Variants in GARNL3 observed in about 807,000 individuals in gnomAD.
GARNL3 encodes GTPase activating Rap/RanGAP domain like 3, also known as GTPase-activating Rap/Ran-GAP domain-like protein 3.
A neutral mutation model predicts 125.0 loss-of-function variants in GARNL3; 63 were observed. The ratio of observed to expected loss-of-function variants is 0.50; its 90% CI spans 0.41 to 0.62. The LOEUF (loss-of-function observed/expected upper bound fraction) is 0.62, where lower values mean the gene tolerates loss of function less well. Among genes scored for constraint, GARNL3 ranks in the 20% least tolerant of loss-of-function variants. The pLI is 0.00. For missense variants in GARNL3, 994 were observed against 1,244.0 expected (o/e 0.80, Z 3.02); for synonymous variants, 439 against 457.5 (o/e 0.96, Z 0.52).
Position 127,385,272 on chromosome 9 carries a change from C to T in GARNL3, c.2388+127C>T, listed in dbSNP as rs1564201099. 3 of 549,680 alleles carry T rather than the reference C, an allele frequency of 5.5e-6. No homozygotes were observed. The highest frequency in any genetic ancestry group is 2.4e-5 in the South Asian group (1 of 41,298). The allele number at this position is 549,680 out of a possible 1,614,324, so 34.1% of individuals were successfully genotyped here. A position where few individuals can be genotyped will look rare whatever the true frequency, so the allele number is the denominator to read the frequency against. ...GAAGACCGGTGTCAGAATGCCAGCACGAGATGGAAAGCCTGAAACCAGACT... is the reference window on the plus strand; with the variant it reads ...GAAGACCGGTGTCAGAATGCCAGCATGAGATGGAAAGCCTGAAACCAGACT... On this transcript the variant is annotated intron_variant, in intron 24 of 27. Coordinates refer to ENST00000373387, the MANE Select transcript of GARNL3 (RefSeq NM_032293.5). The surrounding 1 kb of genome is among the most constrained non-coding windows in gnomAD (Gnocchi z 4.1).
At chr9:127,263,717 A>G, upstream of GARNL3, 3 of 1,185,584 alleles carry the variant, frequency 2.5e-6, no homozygotes, top group Non-Finnish European at 3.1e-6. Flanking sequence ...AACTGCATGC[A>G]TTGATGTGTT....
Position 127,384,964 on chromosome 9 carries a change from G to C in GARNL3, c.2270-63G>C, listed in dbSNP as rs1588977703. The C allele has an allele frequency of 1.1e-6, 1 of 936,544 alleles. No individual in the cohort carries two copies. The highest frequency in any genetic ancestry group is 2.6e-5 in the East Asian group (1 of 38,114). The allele number at this position is 936,544 out of a possible 1,614,324, so 58.0% of individuals were successfully genotyped here. On this transcript the variant is annotated intron_variant, in intron 23 of 27. Transcript: ENST00000373387. This position sits in a 1 kb window ranked among gnomAD's most constrained non-coding sequence, Gnocchi z 4.0. ...GAGAAGTGAGTGTGACTATGACACAGTCACAGCCCCTTCGCGGCCACCAAG... is the reference window on the plus strand; with the variant it reads ...GAGAAGTGAGTGTGACTATGACACACTCACAGCCCCTTCGCGGCCACCAAG...
rs1290250272 is a variant in GARNL3 at position 127,385,541 on chromosome 9, C to T, written c.2388+396C>T. Among the ~76,000 whole-genome samples, 1 of 152,172 alleles carries T rather than the reference C, an allele frequency of 6.6e-6. No homozygotes were observed. The highest frequency in any genetic ancestry group is 1.5e-5 in the Non-Finnish European group (1 of 68,030). ...CTCTATCCTCAGTTTGAATTCTTAG[C>T]CTATGAAACATGGCTAATTGATTAA... On this transcript the variant is annotated intron_variant, in intron 24 of 27. Coordinates refer to ENST00000373387, the MANE Select transcript of GARNL3 (RefSeq NM_032293.5). This position sits in a 1 kb window ranked among gnomAD's most constrained non-coding sequence, Gnocchi z 4.1.
chr9:127,318,285 G>A (rs2065296458), intron 5 of GARNL3, among the ~76,000 whole-genome samples, 158 bp downstream of exon 5: 1 of 152,164 alleles, frequency 6.6e-6, no homozygotes, highest in Non-Finnish European at 1.5e-5. Flanking sequence ...ATCACCTCGT[G>A]TCATCATCAC....
chr9:127,239,620 T>C (rs2063169619), intron 1 of GARNL3, among the ~76,000 whole-genome samples: 1 of 152,202 alleles, frequency 6.6e-6, no homozygotes, highest in African/African-American at 2.4e-5. Context: ...GAGTACTTAC[T>C]CCACTTCTTT....
At chr9:127,289,806 A>C (rs565754755) in intron 1 of GARNL3, among the ~76,000 whole-genome samples, 39 of 152,358 alleles carry the variant, frequency 2.6e-4, no homozygotes, top group Non-Finnish European at 4.6e-4. Flanking sequence ...TCATGACTAC[A>C]CAGCCTCTTG....
intron 14 of GARNL3, among the ~76,000 whole-genome samples, chr9:127,343,231 C>G (rs572991201): frequency 7.9e-5 from 12 of 152,214 alleles, no homozygotes; most frequent in Admixed American, 5.9e-4. Flanking sequence ...CTCCTTGACT[C>G]TTGTCTGGTC....
At chr9:127,376,375 T>C (rs1831912466) in intron 22 of GARNL3, among the ~76,000 whole-genome samples, 1 of 151,918 alleles carries the variant, frequency 6.6e-6, no homozygotes, top group South Asian at 2.1e-4. Context: ...CCTGCCACCT[T>C]GCCCGGCTAA....
At chr9:127,383,625 A>T (rs1832389199) in intron 23 of GARNL3, 80 bp downstream of exon 23, 6 of 859,808 alleles carry the variant, frequency 7.0e-6, no homozygotes, top group Non-Finnish European at 1.1e-5. Flanking sequence ...ATGTAAGCAA[A>T]TCACTGGCTT....
intron 1 of GARNL3, among the ~76,000 whole-genome samples, chr9:127,274,090 A>G (rs79306647): frequency 0.028 from 4,261 of 152,330 alleles, 197 homozygotes; most frequent in African/African-American, 0.098. Context: ...GAGCATAAAT[A>G]TAAAAGTATT....
chr9:127,322,350 C>T (rs957405041), intron 6 of GARNL3, among the ~76,000 whole-genome samples: 1 of 151,742 alleles, frequency 6.6e-6, no homozygotes, highest in Non-Finnish European at 1.5e-5. Flanking sequence ...CCAGTTCCCT[C>T]GGCAGAGCTC....
rs1217773892 is a variant in GARNL3 at position 127,351,107 on chromosome 9, G to A, written c.1543+2072G>A. Among the ~76,000 whole-genome samples the A allele has an allele frequency of 1.2e-4, 18 of 152,160 alleles. 1 individual carries two copies. The highest frequency in any genetic ancestry group is 1.2e-3 in the Admixed American group (18 of 15,286). ...ATTATGAAAAATTTTGTGATTTAAA[G>A]AATGTTCACTCCTTCCCTTTTGCCC... On this transcript the variant is annotated intron_variant, in intron 17 of 27. Transcript: ENST00000373387.
chr9:127,373,907 G>A (rs1476130703), intron 22 of GARNL3, among the ~76,000 whole-genome samples: 3 of 152,156 alleles, frequency 2.0e-5, no homozygotes, highest in Admixed American at 6.5e-5. Flanking sequence ...TTGGGAGACC[G>A]AGGCACAAGA....
chr9:127,331,324 A>G (rs963571296), intron 7 of GARNL3, among the ~76,000 whole-genome samples: 62 of 151,852 alleles, frequency 4.1e-4, no homozygotes, highest in African/African-American at 1.5e-3. Context: ...CCCCATCTCT[A>G]CTAAAAATAC....
At chr9:127,363,265 G>A (rs1233720862) in intron 21 of GARNL3, 1 of 152,290 alleles carries the variant, frequency 6.6e-6, no homozygotes, top group African/African-American at 2.4e-5. Flanking sequence ...GGAGCTCTTG[G>A]CCACTGGTCC....
chr9:127,304,709 G>A (rs2064900105), intron 2 of GARNL3, among the ~76,000 whole-genome samples: 1 of 151,678 alleles, frequency 6.6e-6, no homozygotes, highest in Admixed American at 6.6e-5. Context: ...CTAATTTTTT[G>A]TATTTTTTGT....
At chr9:127,332,063 TAC>T (rs1449946012) in intron 7 of GARNL3, among the ~76,000 whole-genome samples, 2 of 152,084 alleles carry the variant, frequency 1.3e-5, no homozygotes, top group Non-Finnish European at 2.9e-5. Flanking sequence ...CATAAAAGCA[TAC>T]AGTCTCATCT....
chr9:127,344,445 T>C, intron 15 of GARNL3, 106 bp downstream of exon 15: 1 of 754,444 alleles, frequency 1.3e-6, no homozygotes, highest in Non-Finnish European at 2.3e-6. Flanking sequence ...CTGTAGGAGC[T>C]CTGTAATTTC....
intron 27 of GARNL3, among the ~76,000 whole-genome samples, chr9:127,391,930 A>G (rs1418250491): frequency 6.6e-6 from 1 of 152,208 alleles, no homozygotes; most frequent in African/African-American, 2.4e-5. Flanking sequence ...CGTATGTCCA[A>G]GCTTCATTCA....
Sources: allele counts gnomAD v4.1 joint callset (sites outside exome capture counted in the v4.1 genomes callset), GRCh38; gene constraint gnomAD v4.1.1; non-coding constraint Gnocchi (gnomAD v3.1); transcripts MANE v1.5; gene names NCBI Gene and HGNC (gene_info 2026-07-23, HGNC 2026-07-21).